Variants in CYSTM1 observed in about 807,000 individuals in gnomAD.
CYSTM1 encodes the protein cysteine rich transmembrane module containing 1.
CYSTM1 carries 4 observed loss-of-function variants against 13.1 expected under a neutral mutation model. That is an observed-to-expected ratio of 0.31 (90% CI 0.15 to 0.70). The LOEUF is 0.70. CYSTM1 is among the 30% of genes least tolerant of loss of function. The pLI is 0.72. For synonymous variants in CYSTM1, 36 were observed against 42.7 expected, an observed-to-expected ratio of 0.84 and a Z score of 0.62; for missense variants, 96 against 121.6, an observed-to-expected ratio of 0.79 and a Z score of 0.99.
chr5:140,209,797 T>G (rs1764341768), intron 2 of CYSTM1, among the ~76,000 whole-genome samples: 1 of 152,140 alleles, frequency 6.6e-6, no homozygotes, highest in East Asian at 1.9e-4. Flanking sequence ...TGACCTCAGG[T>G]GATCTGCCCA....
chr5:140,233,608 G>C (rs979233087), intron 2 of CYSTM1, among the ~76,000 whole-genome samples: 3 of 152,200 alleles, frequency 2.0e-5, no homozygotes, highest in African/African-American at 7.2e-5. Context: ...AGTAATGAAT[G>C]AGAGTTCCGG....
chr5:140,237,740 G>C (rs1340789961), intron 2 of CYSTM1, among the ~76,000 whole-genome samples: 2 of 152,148 alleles, frequency 1.3e-5, no homozygotes, highest in Non-Finnish European at 2.9e-5. Flanking sequence ...GTGTTATTGG[G>C]TCTACTGTTC....
chr5:140,218,973 A>G (rs1764460623), intron 2 of CYSTM1, among the ~76,000 whole-genome samples: 1 of 152,202 alleles, frequency 6.6e-6, no homozygotes, highest in Non-Finnish European at 1.5e-5. Context: ...TCCACCTTAC[A>G]GTTTTCATGG....
At chr5:140,187,119 C>CT (rs1248793602) in intron 1 of CYSTM1, among the ~76,000 whole-genome samples, 1 of 151,598 alleles carries the variant, frequency 6.6e-6, no homozygotes, top group Non-Finnish European at 1.5e-5. Context: ...AAGTGAAACT[C>CT]TATCTCAAAA....
At chr5:140,196,931 T>A (rs982070891) in intron 2 of CYSTM1, among the ~76,000 whole-genome samples, 1 of 152,182 alleles carries the variant, frequency 6.6e-6, no homozygotes, top group Non-Finnish European at 1.5e-5. Flanking sequence ...TTAGGAATAT[T>A]CTGTATCTTA....
Position 140,212,983 on chromosome 5 carries a change from G to GTGTATATATATATATATATATATA in CYSTM1, c.187+18332_187+18333insGTATATATATATATATATATATAT, listed in dbSNP as rs1405430820. On this transcript the variant is annotated intron_variant, in intron 2 of 2. Transcript: ENST00000261811. ...ACTCTGTCTCAAAAACAAAACAAAA[G>GTGTATATATATATATATATATATA]TATATATATATATATATATATATAT... 4.1e-3 allele frequency among the ~76,000 whole-genome samples: 472 copies of GTGTATATATATATATATATATATA among 114,228 alleles called. 27 individuals carry two copies. The highest frequency in any genetic ancestry group is 0.011 in the South Asian group (29 of 2,734). The allele number at this position is 114,228 out of a possible 152,430, so 74.9% of individuals were successfully genotyped here.
At chr5:140,243,254 C>A in intron 2 of CYSTM1, 51 bp from the exon 3 acceptor site, 1 of 1,513,968 alleles carries the variant, frequency 6.6e-7, no homozygotes, top group Non-Finnish European at 9.2e-7. Flanking sequence ...CTTTGCAGGG[C>A]CTGGGGTTTG....
Position 140,210,081 on chromosome 5 carries a change from A to T in CYSTM1, c.187+15429A>T, listed in dbSNP as rs546156430. ...AAACATAGTAATAATGCTCATAAAA[A>T]TTTTTTTAATTATCATAATTCACAC... On this transcript the variant is annotated intron_variant, in intron 2 of 2. Coordinates refer to ENST00000261811, the MANE Select transcript of CYSTM1 (RefSeq NM_032412.4). Among the ~76,000 whole-genome samples, 26 of 152,228 alleles carry T rather than the reference A, an allele frequency of 1.7e-4. No individual in the cohort carries two copies. In the East Asian group the frequency reaches 3.7e-3, roughly 21 times the overall value.
At chr5:140,191,582 A>G (rs768418032) in intron 1 of CYSTM1, among the ~76,000 whole-genome samples, 8 of 152,228 alleles carry the variant, frequency 5.3e-5, no homozygotes, top group Non-Finnish European at 1.0e-4. Context: ...TTGTAGTTCA[A>G]TACTCTGTTC....
chr5:140,221,617 CTT>C (rs1764493812), intron 2 of CYSTM1, among the ~76,000 whole-genome samples: 2 of 152,224 alleles, frequency 1.3e-5, no homozygotes, highest in Non-Finnish European at 2.9e-5. Context: ...TCCATTGACA[CTT>C]GGGTTGCTTC....
chr5:140,234,651 A>G (rs578009196), intron 2 of CYSTM1, among the ~76,000 whole-genome samples: 1 of 152,174 alleles, frequency 6.6e-6, no homozygotes, highest in Admixed American at 6.5e-5. Context: ...GTTGGCAGTA[A>G]ATGAGGTATA....
At chr5:140,179,261 TAAA>T (rs36122225) in intron 1 of CYSTM1, among the ~76,000 whole-genome samples, 1 of 139,460 alleles carries the variant, frequency 7.2e-6, no homozygotes. Context: ...TCTTGTCGCT[TAAA>T]AAAAAAAAAA....
chr5:140,182,160 G>A (rs1763967801), intron 1 of CYSTM1, among the ~76,000 whole-genome samples: 1 of 152,160 alleles, frequency 6.6e-6, no homozygotes, highest in Admixed American at 6.5e-5. Flanking sequence ...CAAATAGAAG[G>A]TATAAATTAT....
At chr5:140,182,629 CTT>C (rs773337350) in intron 1 of CYSTM1, among the ~76,000 whole-genome samples, 21 of 138,644 alleles carry the variant, frequency 1.5e-4, no homozygotes, top group Admixed American at 1.4e-4. Context: ...AGGAGGGATG[CTT>C]TTTTTTTTTT....
chr5:140,208,211 C>T lies in CYSTM1; in HGVS notation c.187+13559C>T, dbSNP rs1461546534. ...AACCTACATGCCCATCAGCAGATGA[C>T]TGGATTTTAAAAAAATGTGGTATTT... On this transcript the variant is annotated intron_variant, in intron 2 of 2. Transcript: ENST00000261811. Among the ~76,000 whole-genome samples the T allele has an allele frequency of 2.0e-5, 3 of 152,172 alleles. No homozygotes were observed. In the East Asian group the frequency reaches 5.8e-4, roughly 29 times the overall value.
intron 2 of CYSTM1, among the ~76,000 whole-genome samples, chr5:140,242,879 T>A (rs1764767451): frequency 1.3e-5 from 2 of 152,226 alleles, no homozygotes; most frequent in African/African-American, 2.4e-5. Flanking sequence ...CTTTAAGGGT[T>A]TAAAGCCCCC....
At chr5:140,224,998 T>C (rs1764532731) in intron 2 of CYSTM1, among the ~76,000 whole-genome samples, 1 of 152,046 alleles carries the variant, frequency 6.6e-6, no homozygotes, top group Non-Finnish European at 1.5e-5. Flanking sequence ...ATGGACAACA[T>C]AGCAAGACCC....
At chr5:140,201,356 A>G (rs1444464940) in intron 2 of CYSTM1, 1 of 152,126 alleles carries the variant, frequency 6.6e-6, no homozygotes, top group Admixed American at 6.5e-5. Context: ...AATCCAGAAT[A>G]TTATCATCTA....
chr5:140,237,186 G>A (rs1764692464), intron 2 of CYSTM1, among the ~76,000 whole-genome samples: 1 of 152,206 alleles, frequency 6.6e-6, no homozygotes, highest in South Asian at 2.1e-4. Flanking sequence ...GTTGGACCAG[G>A]TCATTCTGAG....
Sources: gnomAD v4.1 joint callset for allele counts (sites outside exome capture counted in the v4.1 genomes callset) on GRCh38, gnomAD v4.1.1 for gene constraint, MANE v1.5 for transcripts, NCBI Gene and HGNC (gene_info 2026-07-23, HGNC 2026-07-21) for gene names.